The following FAM3B variants were observed in gnomAD, a reference collection of about 807,000 sequenced individuals.
FAM3B encodes FAM3 metabolism regulating signaling molecule B, also known as protein FAM3B.
Under a neutral mutation model 28.4 loss-of-function variants are expected in FAM3B, and 29 were observed. The ratio of observed to expected loss-of-function variants is 1.02; its 90% confidence interval spans 0.76 to 1.39. The LOEUF is 1.39. Among genes scored for constraint, FAM3B ranks in the 40% most tolerant of loss-of-function variants. FAM3B has a pLI of 0.00. For synonymous variants in FAM3B, 91 were observed against 103.0 expected (o/e 0.88, Z 0.71); for missense variants, 266 against 293.9 (o/e 0.91, Z 0.69).
At chr21:41,340,172 T>TTG (rs2088992422) in intron 3 of FAM3B, among the ~76,000 whole-genome samples, 1 of 148,100 alleles carries the variant, frequency 6.8e-6, no homozygotes, top group Non-Finnish European at 1.5e-5. Context: ...TTTTTTTTTT[T>TTG]GAGACAGAGT....
At chr21:41,334,661 C>A (rs1297270138) in intron 2 of FAM3B, among the ~76,000 whole-genome samples, 1 of 152,164 alleles carries the variant, frequency 6.6e-6, no homozygotes, top group East Asian at 1.9e-4. Flanking sequence ...TGGGGCAGAA[C>A]CTCTACTAGA....
chr21:41,336,957 C>A (rs186288732), intron 2 of FAM3B, among the ~76,000 whole-genome samples: 103 of 152,288 alleles, frequency 6.8e-4, no homozygotes, highest in African/African-American at 2.0e-3. Flanking sequence ...TCAACCTATA[C>A]ATTTTTTAAA....
chr21:41,351,924 C>T (rs1339660444), intron 7 of FAM3B, among the ~76,000 whole-genome samples: 1 of 152,196 alleles, frequency 6.6e-6, no homozygotes, highest in Non-Finnish European at 1.5e-5. Context: ...TTGGCCACCC[C>T]GACTGCATGA....
chr21:41,350,964 C>T (rs984967032), intron 7 of FAM3B, among the ~76,000 whole-genome samples: 6 of 152,160 alleles, frequency 3.9e-5, no homozygotes, highest in African/African-American at 1.4e-4. Context: ...GCAGCCCGGG[C>T]GTTGTGCCAC....
chr21:41,304,404 C>A, intron 1 of FAM3B: 1 of 421,358 alleles, frequency 2.4e-6, no homozygotes, highest in South Asian at 1.7e-5. Flanking sequence ...CCGAGGGAGT[C>A]GCCCCCGAAG....
chr21:41,356,054 C>T (rs1190455384), intron 7 of FAM3B, among the ~76,000 whole-genome samples: 2 of 146,432 alleles, frequency 1.4e-5, no homozygotes, highest in African/African-American at 5.2e-5. Context: ...CACACACACA[C>T]ACACACACAC....
intron 5 of FAM3B, 62 bp from the exon 6 acceptor site, chr21:41,346,951 C>A: frequency 6.8e-7 from 1 of 1,464,854 alleles, no homozygotes; most frequent in Non-Finnish European, 9.6e-7. Flanking sequence ...GGAAGCCCAG[C>A]ACCCAAGGCA....
At chr21:41,330,134 G>A (rs1420768737) in intron 2 of FAM3B, among the ~76,000 whole-genome samples, 181 of 138,656 alleles carry the variant, frequency 1.3e-3, no homozygotes, top group South Asian at 1.8e-3. Flanking sequence ...GTCTGTATAG[G>A]AAAAAAAAAA....
intron 1 of FAM3B, 61 bp downstream of exon 1, chr21:41,316,959 C>T: frequency 4.8e-6 from 6 of 1,254,706 alleles, no homozygotes; most frequent in East Asian, 3.1e-5. Flanking sequence ...CCAGGGGAAG[C>T]GTCGCTCCCC....
chr21:41,321,921 T>G (rs1318307518), intron 1 of FAM3B, among the ~76,000 whole-genome samples: 1 of 152,128 alleles, frequency 6.6e-6, no homozygotes, highest in Admixed American at 6.6e-5. Flanking sequence ...CCTCCTTTCC[T>G]CATTTCCCCT....
At chr21:41,315,476 C>CTGGG (rs201536241), upstream of FAM3B, among the ~76,000 whole-genome samples, 20,774 of 152,086 alleles carry the variant, frequency 0.14, 1,586 homozygotes, top group Admixed American at 0.22. Context: ...AGATAAAAGC[C>CTGGG]TTACCTCTGA....
chr21:41,343,576 A>G (rs1352297244), intron 3 of FAM3B, among the ~76,000 whole-genome samples: 1 of 152,208 alleles, frequency 6.6e-6, no homozygotes, highest in Admixed American at 6.5e-5. Context: ...AAAATATTAA[A>G]GTTCCGTGTT....
At chr21:41,335,267 G>A (rs1400542205) in intron 2 of FAM3B, among the ~76,000 whole-genome samples, 2 of 152,156 alleles carry the variant, frequency 1.3e-5, no homozygotes, top group African/African-American at 4.8e-5. Context: ...AATGTGAGAA[G>A]GACAAGATAT....
upstream of FAM3B, among the ~76,000 whole-genome samples, chr21:41,314,087 G>A (rs974749938): frequency 3.3e-5 from 5 of 152,162 alleles, no homozygotes; most frequent in Non-Finnish European, 5.9e-5. Flanking sequence ...AGGGCCTTTG[G>A]GAGGTAATTA....
At chr21:41,347,193 A>T in intron 6 of FAM3B, 93 bp downstream of exon 6, 1 of 1,022,146 alleles carries the variant, frequency 9.8e-7, no homozygotes, top group Non-Finnish European at 1.6e-6. Context: ...TCTGGGGACA[A>T]GCAGAAAGTC....
At chr21:41,355,683 A>G (rs2089158998) in intron 7 of FAM3B, among the ~76,000 whole-genome samples, 1 of 152,184 alleles carries the variant, frequency 6.6e-6, no homozygotes, top group Non-Finnish European at 1.5e-5. Flanking sequence ...GGTTGGGGGA[A>G]AGGAGATTCG....
chr21:41,348,682 A>G lies in FAM3B; in HGVS notation c.576A>G (p.Ala192=), dbSNP rs755795449. 32 of 1,614,108 alleles carry G rather than the reference A, an allele frequency of 2.0e-5. No homozygotes were observed. The highest frequency in any genetic ancestry group is 2.5e-5 in the Non-Finnish European group (30 of 1,180,046). Residue 192 remains alanine (A), a synonymous_variant, in exon 7 of 8, where the codon GCA becomes GCG. Transcript: ENST00000357985. ...MKFRSSWVFI[A]AKGLELPSEI... ...TCAGGTCTAGCTGGGTATTTATTGC[A>G]GCAAAAGGCTTGGAACTCCCTTCCG... is the stretch of plus-strand genomic sequence containing the variant.
intron 4 of FAM3B, 40 bp downstream of exon 4, chr21:41,344,574 T>A: frequency 6.4e-7 from 1 of 1,569,740 alleles, no homozygotes; most frequent in Non-Finnish European, 8.8e-7. Flanking sequence ...CTCTAAAAGC[T>A]CTCTGGTCAG....
At chr21:41,349,037 C>T (rs2089090376) in intron 7 of FAM3B, among the ~76,000 whole-genome samples, 1 of 152,158 alleles carries the variant, frequency 6.6e-6, no homozygotes, top group South Asian at 2.1e-4. Flanking sequence ...TAAGAGAGCT[C>T]ACCTCTTAGG....
Sources: allele counts gnomAD v4.1 joint callset (sites outside exome capture counted in the v4.1 genomes callset), GRCh38; gene constraint gnomAD v4.1.1; transcripts MANE v1.5; gene names NCBI Gene and HGNC (gene_info 2026-07-23, HGNC 2026-07-21).